The following PPFIBP1 variants were observed in gnomAD, a reference collection of about 807,000 sequenced individuals.
PPFIBP1 encodes the protein PPFIB scaffold protein 1.
Under a neutral mutation model 137.8 loss-of-function variants are expected in PPFIBP1, and 112 were observed. The ratio of observed to expected loss-of-function variants is 0.81; its 90% CI spans 0.70 to 0.95. The LOEUF (loss-of-function observed/expected upper bound fraction) is 0.95. Among genes scored for constraint, PPFIBP1 ranks in the 40% least tolerant of loss-of-function variants. The pLI, the probability that PPFIBP1 is intolerant of heterozygous loss-of-function variation, is 0.00. For synonymous variants in PPFIBP1, 378 were observed against 417.3 expected, an observed-to-expected ratio of 0.91 and a Z score of 1.15; for missense variants, 1,083 against 1,196.6, an observed-to-expected ratio of 0.91 and a Z score of 1.40.
In PPFIBP1 at chr12:27,680,046, TG is replaced by T. The variant is rs2060787415; in HGVS notation, c.1883del (p.Gly628AspfsTer23). The T allele has an allele frequency of 6.2e-7, 1 of 1,614,054 alleles. No individual in the cohort carries two copies. The highest frequency in any genetic ancestry group is 1.1e-5 in the South Asian group (1 of 91,068). ...CCCCGATTAGGTTGGTCTCGAGACT[TG>T]GGACAGTCTAACAGGTAAGAAGAGC... ...AGPRLGWSRD[L>X]GQSNSDLDMP... On this transcript the variant is annotated frameshift_variant, in exon 21 of 30. Coordinates refer to ENST00000228425, the MANE Select transcript of PPFIBP1 (RefSeq NM_003622.4). LOFTEE classifies it high-confidence loss of function.
At chr12:27,643,931 G>A (rs533741205) in intron 4 of PPFIBP1, among the ~76,000 whole-genome samples, 2 of 143,536 alleles carry the variant, frequency 1.4e-5, no homozygotes, top group African/African-American at 5.3e-5. Context: ...CTAATTTTGA[G>A]CCAATTTTCA....
At chr12:27,537,995 T>C (rs1169911036) in intron 1 of PPFIBP1, 2 of 152,184 alleles carry the variant, frequency 1.3e-5, no homozygotes, top group African/African-American at 4.8e-5. Flanking sequence ...AGCCTTTGGT[T>C]GCTTTTTTTA....
chr12:27,558,463 G>GTT, intron 1 of PPFIBP1, among the ~76,000 whole-genome samples: 1 of 101,270 alleles, frequency 9.9e-6, no homozygotes. Flanking sequence ...TACACAGTAT[G>GTT]TTATACACAC....
At chr12:27,530,973 G>A (rs1944354714) in intron 1 of PPFIBP1, among the ~76,000 whole-genome samples, 1 of 152,204 alleles carries the variant, frequency 6.6e-6, no homozygotes. Flanking sequence ...TCTTGACTCT[G>A]TGAGAAAAAT....
chr12:27,634,931 C>T lies in PPFIBP1; in HGVS notation c.86C>T (p.Ser29Phe). ...IIAGSKALEY[S>F]NGIFDCQSPT... ...TTAGGTTCTAAGGCTCTGGAATATT[C>T]CAATGGGATTTTTGATTGCCAATCT... Residue 29 changes from serine to phenylalanine, a missense_variant, in exon 4 of 30, where the codon TCC becomes TTC. Ser to Phe is a radical substitution (Grantham distance 155, BLOSUM62 -2). Coordinates refer to ENST00000228425, the MANE Select transcript of PPFIBP1 (RefSeq NM_003622.4). 1 of 1,613,940 alleles carries T rather than the reference C, an allele frequency of 6.2e-7. No individual in the cohort carries two copies. Among genetic ancestry groups the T allele is most frequent in the South Asian group, 1.1e-5 (1 of 91,066 alleles).
At chr12:27,666,440 A>G (rs1450516264) in intron 12 of PPFIBP1, among the ~76,000 whole-genome samples, 1 of 152,220 alleles carries the variant, frequency 6.6e-6, no homozygotes, top group East Asian at 1.9e-4. Flanking sequence ...ATCTTTAAAC[A>G]AGTGTATGAT....
At chr12:27,593,719 G>A in intron 2 of PPFIBP1, 1 of 622,786 alleles carries the variant, frequency 1.6e-6, no homozygotes. Context: ...CCATTTAGAA[G>A]CCTATTAGCT....
intron 2 of PPFIBP1, chr12:27,592,395 G>A: frequency 3.3e-6 from 2 of 612,858 alleles, no homozygotes; most frequent in South Asian, 5.2e-5. Context: ...AACTATTGGG[G>A]ATTATCAGTG....
intron 2 of PPFIBP1, among the ~76,000 whole-genome samples, chr12:27,598,277 G>A (rs1382099913): frequency 3.9e-5 from 6 of 152,198 alleles, no homozygotes; most frequent in Admixed American, 1.3e-4. Flanking sequence ...AATCATGGCA[G>A]AAGGCAAAGG....
At position 27,692,868 on chromosome 12, in the gene PPFIBP1, G is replaced by C. The variant is rs748800574; in HGVS notation, c.3004G>C (p.Asp1002His). 2.5e-6 allele frequency: 4 copies of C among 1,613,972 alleles called. No individual in the cohort carries two copies. The African/African-American group carries it at 5.3e-5, about 22-fold the overall frequency. The change falls in exon 30 of 30, where the codon GAC (aspartate) becomes CAC (histidine). Residue 1002 changes from aspartate to histidine, a missense_variant. By Grantham distance (81) the Asp-to-His change is moderately conservative (BLOSUM62 -1). Coordinates refer to ENST00000228425, the MANE Select transcript of PPFIBP1 (RefSeq NM_003622.4). Reference sequence around the variant, plus strand: ...CCCCAGTGCCAGCATTACAGATGAAGACTCAAACGTTTGACCGTAGCACCT... The same window carrying C: ...CCCCAGTGCCAGCATTACAGATGAACACTCAAACGTTTGACCGTAGCACCT... ...RSPSASITDE[D>H]SNV
At chr12:27,579,980 A>T (rs1359423087) in intron 2 of PPFIBP1, among the ~76,000 whole-genome samples, 2 of 152,178 alleles carry the variant, frequency 1.3e-5, no homozygotes, top group Non-Finnish European at 2.9e-5. Flanking sequence ...TGCATGGTAC[A>T]GGAAGGGACT....
At chr12:27,599,527 C>T (rs1283237921) in intron 2 of PPFIBP1, 4 of 455,682 alleles carry the variant, frequency 8.8e-6, no homozygotes, top group African/African-American at 2.0e-5. Flanking sequence ...CTCTCCTTCC[C>T]TCCTGCCTTC....
At position 27,592,673 on chromosome 12, in the gene PPFIBP1, CCTT is replaced by C. The variant is rs987366397; in HGVS notation, c.-36+14437_-36+14439del. 28 of 1,476,728 alleles carry C rather than the reference CCTT, an allele frequency of 1.9e-5. No individual in the cohort carries two copies. The Middle Eastern group carries it at 9.1e-4, about 48-fold the overall frequency. 91.5% of individuals were successfully genotyped at this position (1,476,728 alleles called of 1,614,324 possible). A position where few individuals can be genotyped will look rare whatever the true frequency, so the allele number is the denominator to read the frequency against. On this transcript the variant is annotated intron_variant, in intron 2 of 29. Transcript: ENST00000228425. ...GCCTGTGTGTGGGAAGGAGTGTCATCCTTCTCCGGCTGCTCTGACAGGATTGAG... is the reference window on the plus strand; with the variant it reads ...GCCTGTGTGTGGGAAGGAGTGTCATCCTCCGGCTGCTCTGACAGGATTGAG...
intron 5 of PPFIBP1, among the ~76,000 whole-genome samples, chr12:27,647,456 A>T (rs562406717): frequency 6.6e-6 from 1 of 152,342 alleles, no homozygotes; most frequent in Admixed American, 6.5e-5. Context: ...GCTGTCTTTC[A>T]TAAATGGTTG....
chr12:27,645,740 A>G (rs1281219180), intron 4 of PPFIBP1, among the ~76,000 whole-genome samples: 1 of 152,134 alleles, frequency 6.6e-6, no homozygotes, highest in African/African-American at 2.4e-5. Flanking sequence ...CCCCCTACAT[A>G]CTCACAAAGC....
At chr12:27,595,247 CACAA>C (rs985311309) in intron 2 of PPFIBP1, among the ~76,000 whole-genome samples, 102 of 152,354 alleles carry the variant, frequency 6.7e-4, no homozygotes, top group African/African-American at 2.4e-3. Flanking sequence ...CGCGCGCGCG[CACAA>C]ACACACACAC....
chr12:27,535,822 AT>A (rs1359513989), intron 1 of PPFIBP1, among the ~76,000 whole-genome samples: 1 of 152,186 alleles, frequency 6.6e-6, no homozygotes, highest in African/African-American at 2.4e-5. Flanking sequence ...AACTACTTTT[AT>A]TTCACTTCTT....
intron 2 of PPFIBP1, chr12:27,593,556 G>T: frequency 2.7e-6 from 1 of 367,012 alleles, no homozygotes; most frequent in South Asian, 2.5e-5. Flanking sequence ...CGTACAGCTG[G>T]AAATCTGAGT....
At chr12:27,669,595 G>C (rs866545013) in intron 13 of PPFIBP1, among the ~76,000 whole-genome samples, 55 of 152,166 alleles carry the variant, frequency 3.6e-4, no homozygotes, top group Non-Finnish European at 2.1e-4. Context: ...AAATTGATCT[G>C]TTAGTATAGT....
Sources: gnomAD v4.1 joint callset for allele counts (sites outside exome capture counted in the v4.1 genomes callset) on GRCh38, gnomAD v4.1.1 for gene constraint, MANE v1.5 for transcripts, NCBI Gene and HGNC (gene_info 2026-07-23, HGNC 2026-07-21) for gene names.